GABBR2: variants seen among roughly 807,000 people sequenced by gnomAD.
GABBR2 encodes the protein gamma-aminobutyric acid type B receptor subunit 2.
GABBR2 carries 23 observed loss-of-function variants against 105.6 expected under a neutral mutation model. The ratio of observed to expected loss-of-function variants is 0.22; its 90% CI spans 0.16 to 0.31. The LOEUF is 0.31. Ranked by LOEUF, GABBR2 falls within the 10% of genes least tolerant of loss-of-function variation. GABBR2 has a pLI of 1.00. For missense variants in GABBR2, 734 were observed against 1,245.5 expected (o/e 0.59, Z 6.18); for synonymous variants, 478 against 499.7 (o/e 0.96, Z 0.58).
At chr9:98,471,392 C>T (rs1464119355) in intron 6 of GABBR2, among the ~76,000 whole-genome samples, 1 of 152,196 alleles carries the variant, frequency 6.6e-6, no homozygotes, top group African/African-American at 2.4e-5. Context: ...GCCTCTTCAC[C>T]AATCCCGAAT....
At chr9:98,607,066 C>T in intron 1 of GABBR2, 1 of 1,464,768 alleles carries the variant, frequency 6.8e-7, no homozygotes, top group South Asian at 1.1e-5. Context: ...TACAGAAAAT[C>T]AGTTAAGAGA....
At chr9:98,501,235 G>C (rs1368694447) in intron 3 of GABBR2, among the ~76,000 whole-genome samples, 4 of 150,580 alleles carry the variant, frequency 2.7e-5, no homozygotes, top group Admixed American at 6.7e-5. Context: ...CATGATCTGG[G>C]CTCACTGCAA....
intron 7 of GABBR2, among the ~76,000 whole-genome samples, chr9:98,449,516 T>C (rs1826195695): frequency 6.6e-6 from 1 of 152,144 alleles, no homozygotes; most frequent in South Asian, 2.1e-4. Context: ...CTGTTTAATA[T>C]GTGAATTCCT....
chr9:98,481,645 G>A (rs1180050070), intron 4 of GABBR2, among the ~76,000 whole-genome samples: 1 of 152,172 alleles, frequency 6.6e-6, no homozygotes, highest in Admixed American at 6.5e-5. Flanking sequence ...TTCCATCTCA[G>A]CCCCAGTTTC....
chr9:98,364,760 C>T (rs530486896), intron 12 of GABBR2, among the ~76,000 whole-genome samples: 1 of 152,206 alleles, frequency 6.6e-6, no homozygotes, highest in Non-Finnish European at 1.5e-5. Context: ...GCCACTACAC[C>T]CAGCTAATTT....
intron 13 of GABBR2, among the ~76,000 whole-genome samples, chr9:98,353,206 C>CTGA (rs1175786260): frequency 6.6e-6 from 1 of 152,180 alleles, no homozygotes; most frequent in East Asian, 1.9e-4. Context: ...TGGCTCTGAG[C>CTGA]TGATCCTGAT....
intron 6 of GABBR2, among the ~76,000 whole-genome samples, chr9:98,467,984 T>C (rs1055364841): frequency 6.6e-6 from 1 of 152,170 alleles, no homozygotes; most frequent in Non-Finnish European, 1.5e-5. Flanking sequence ...AAATCACCGA[T>C]GTCAAGTCAC....
intron 7 of GABBR2, among the ~76,000 whole-genome samples, chr9:98,431,607 T>C (rs955137647): frequency 2.6e-5 from 4 of 152,022 alleles, no homozygotes; most frequent in Non-Finnish European, 5.9e-5. Context: ...GAAACACAAG[T>C]ATGGCCTGGT....
At chr9:98,384,969 G>T (rs1588133462) in intron 11 of GABBR2, among the ~76,000 whole-genome samples, 1 of 152,072 alleles carries the variant, frequency 6.6e-6, no homozygotes, top group East Asian at 1.9e-4. Flanking sequence ...CACTTAAATA[G>T]AAAATAACAA....
At chr9:98,293,451 A>G (rs1056356001) in intron 18 of GABBR2, among the ~76,000 whole-genome samples, 16 of 152,238 alleles carry the variant, frequency 1.1e-4, no homozygotes, top group African/African-American at 3.6e-4. Context: ...AGGTCTCAGT[A>G]AACTGTTAAG....
intron 13 of GABBR2, 150 bp from the exon 14 acceptor site, chr9:98,311,355 G>A: frequency 6.6e-6 from 4 of 605,524 alleles, no homozygotes; most frequent in Non-Finnish European, 9.0e-6. Context: ...TGTTCCTAAG[G>A]TGTGGAGCCC....
chr9:98,506,971 C>G (rs760794326), intron 3 of GABBR2, among the ~76,000 whole-genome samples: 3 of 152,198 alleles, frequency 2.0e-5, no homozygotes, highest in Non-Finnish European at 2.9e-5. Flanking sequence ...CCCACCACTG[C>G]TCCTCGGAGG....
At chr9:98,376,453 C>T (rs117695272) in intron 11 of GABBR2, among the ~76,000 whole-genome samples, 57 of 152,276 alleles carry the variant, frequency 3.7e-4, no homozygotes, top group Non-Finnish European at 6.3e-4. Context: ...TTCCTGCTGT[C>T]CAAAAGGTTC....
intron 1 of GABBR2, among the ~76,000 whole-genome samples, chr9:98,659,508 T>TC (rs1830227347): frequency 8.3e-6 from 1 of 120,552 alleles, no homozygotes; most frequent in Non-Finnish European, 1.6e-5. Context: ...AACAACCTTT[T>TC]TTCTTTTCTT....
intron 11 of GABBR2, among the ~76,000 whole-genome samples, chr9:98,379,068 A>G (rs893668149): frequency 3.9e-5 from 6 of 152,078 alleles, no homozygotes; most frequent in African/African-American, 1.4e-4. Context: ...CGTCTGTGTC[A>G]TTCTTACCTC....
Position 98,599,859 on chromosome 9 carries a change from G to A in GABBR2, c.322-21787C>T, listed in dbSNP as rs549392304. ...GGAATGCCAGGGAGAGATGGGGGTG[G>A]GTACAAGGCAGTTTGAGGACTGACC... On this transcript the variant is annotated intron_variant, in intron 1 of 18. Coordinates refer to ENST00000259455, the MANE Select transcript of GABBR2 (RefSeq NM_005458.8). 1.6e-3 allele frequency among the ~76,000 whole-genome samples: 247 copies of A among 152,296 alleles called. 1 individual carries two copies. Among genetic ancestry groups the A allele is most frequent in the Middle Eastern group, 3.4e-3 (1 of 294 alleles).
At position 98,513,826 on chromosome 9, in the gene GABBR2, A is replaced by G. The variant is rs951262703; in HGVS notation, c.631-17312T>C. Reference sequence around the variant, plus strand: ...TGTTGGTGGGACTGTAAACTAGTTCAACCATTGTGGAAGTCAGTGCGGCGA... The same window carrying G: ...TGTTGGTGGGACTGTAAACTAGTTCGACCATTGTGGAAGTCAGTGCGGCGA... On this transcript the variant is annotated intron_variant, in intron 3 of 18. Coordinates refer to ENST00000259455, the MANE Select transcript of GABBR2 (RefSeq NM_005458.8). Among the ~76,000 whole-genome samples, 4 of 152,180 alleles carry G rather than the reference A, an allele frequency of 2.6e-5. No homozygotes were observed. The East Asian group carries it at 7.7e-4, about 29-fold the overall frequency.
chr9:98,414,580 A>G (rs560550960), intron 7 of GABBR2, among the ~76,000 whole-genome samples: 14 of 152,294 alleles, frequency 9.2e-5, no homozygotes, highest in African/African-American at 3.1e-4. Context: ...CTTAAGTATT[A>G]TATTATAAAA....
chr9:98,708,854 G>T lies in GABBR2; in HGVS notation c.-117C>A. 3 of 552,964 alleles carry T rather than the reference G, an allele frequency of 5.4e-6. No homozygotes were observed. Among genetic ancestry groups the T allele is most frequent in the Non-Finnish European group, 6.9e-6 (3 of 435,698 alleles). 34.3% of individuals were successfully genotyped at this position (552,964 alleles called of 1,614,324 possible). ...CGCAATGGCGCCGGCCCGGGCCCCG[G>T]CTCCGTCTCGGGCTAGGGTTCCGGC... is the stretch of plus-strand genomic sequence containing the variant. On this transcript the variant is annotated 5_prime_UTR_variant, in exon 1 of 19. Transcript: ENST00000259455.
Sources: gnomAD v4.1 joint callset for allele counts (sites outside exome capture counted in the v4.1 genomes callset) on GRCh38, gnomAD v4.1.1 for gene constraint, MANE v1.5 for transcripts, NCBI Gene and HGNC (gene_info 2026-07-23, HGNC 2026-07-21) for gene names.